LRRC7: variants seen among roughly 807,000 people sequenced by gnomAD.
The protein encoded by LRRC7 is leucine rich repeat containing 7.
In LRRC7, 23 loss-of-function variants were observed where a neutral mutation model predicts 175.7. The observed-to-expected ratio is 0.13, with a 90% CI of 0.09 to 0.19. LRRC7 has a LOEUF of 0.19. Ranked by LOEUF, LRRC7 falls within the 10% of genes least tolerant of loss-of-function variation. LRRC7 has a pLI of 1.00. For synonymous variants in LRRC7, 685 were observed against 680.9 expected, an observed-to-expected ratio of 1.01 and a Z score of -0.09; for missense variants, 1,354 against 1,904.7, an observed-to-expected ratio of 0.71 and a Z score of 5.38.
intron 22 of LRRC7, among the ~76,000 whole-genome samples, chr1:70,050,287 G>A (rs899597410): frequency 6.6e-6 from 1 of 152,010 alleles, no homozygotes; most frequent in African/African-American, 2.4e-5. Context: ...AATTACGAAT[G>A]TTAAATCCAC....
chr1:70,033,854 T>A (rs1659029939), intron 18 of LRRC7, among the ~76,000 whole-genome samples: 1 of 152,196 alleles, frequency 6.6e-6, no homozygotes, highest in Admixed American at 6.5e-5. Context: ...TCTATTCTAT[T>A]TTTGTTTTTC....
intron 7 of LRRC7, among the ~76,000 whole-genome samples, chr1:69,858,338 A>T (rs995442101): frequency 6.6e-6 from 1 of 152,052 alleles, no homozygotes; most frequent in Non-Finnish European, 1.5e-5. Context: ...TACAGAATGG[A>T]AGAAAATTTT....
At chr1:70,032,486 A>C (rs746668490) in intron 18 of LRRC7, among the ~76,000 whole-genome samples, 1 of 152,150 alleles carries the variant, frequency 6.6e-6, no homozygotes, top group Non-Finnish European at 1.5e-5. Context: ...GCCTACAGTA[A>C]ATAATTCCCT....
intron 4 of LRRC7, among the ~76,000 whole-genome samples, chr1:69,794,318 A>G (rs1475360851): frequency 6.6e-6 from 1 of 152,104 alleles, no homozygotes; most frequent in Admixed American, 6.6e-5. Flanking sequence ...TCTGAAAGAG[A>G]CAATTAGAAC....
chr1:69,712,848 A>G (rs1284752017), intron 2 of LRRC7, among the ~76,000 whole-genome samples: 1 of 152,100 alleles, frequency 6.6e-6, no homozygotes, highest in Non-Finnish European at 1.5e-5. Flanking sequence ...TGCATTAGCC[A>G]TGGAAAGGCC....
chr1:69,617,782 T>A (rs1649908302), intron 1 of LRRC7, among the ~76,000 whole-genome samples: 1 of 152,016 alleles, frequency 6.6e-6, no homozygotes, highest in Non-Finnish European at 1.5e-5. Flanking sequence ...AGGAAGTTAA[T>A]CCAAGATTGC....
At chr1:69,677,821 C>G (rs965068114) in intron 1 of LRRC7, among the ~76,000 whole-genome samples, 1 of 152,152 alleles carries the variant, frequency 6.6e-6, no homozygotes, top group Middle Eastern at 3.4e-3. Context: ...GACTATTGCT[C>G]TTAGTTATGG....
At chr1:69,683,921 T>C (rs2100625922) in intron 2 of LRRC7, among the ~76,000 whole-genome samples, 1 of 152,092 alleles carries the variant, frequency 6.6e-6, no homozygotes, top group East Asian at 1.9e-4. Flanking sequence ...GGAAAGATGA[T>C]GAAATAATAA....
At chr1:69,569,364 A>G (rs1410360975) in intron 1 of LRRC7, among the ~76,000 whole-genome samples, 1 of 152,038 alleles carries the variant, frequency 6.6e-6, no homozygotes, top group East Asian at 1.9e-4. Flanking sequence ...GTGTGGCACG[A>G]GAAGCTGGTG....
Position 70,020,902 on chromosome 1 carries a change from G to A in LRRC7, c.1421-103G>A, listed in dbSNP as rs191234249. 7.0e-5 allele frequency: 53 copies of A among 756,344 alleles called. No individual in the cohort carries two copies. In the South Asian group the frequency reaches 1.2e-3, roughly 17 times the overall value. 46.9% of individuals were successfully genotyped at this position (756,344 alleles called of 1,614,324 possible). A position where few individuals can be genotyped will look rare whatever the true frequency, so the allele number is the denominator to read the frequency against. On this transcript the variant is annotated intron_variant, in intron 15 of 26. Coordinates refer to ENST00000651989, the MANE Select transcript of LRRC7 (RefSeq NM_001370785.2). Reference sequence around the variant, plus strand: ...TTTTCTTTCTTTCTTCTTTATTTCCGTATTTGTTTGTAGTATCTATCACCA... The same window carrying A: ...TTTTCTTTCTTTCTTCTTTATTTCCATATTTGTTTGTAGTATCTATCACCA...
chr1:69,845,306 G>T (rs115599729), intron 7 of LRRC7, among the ~76,000 whole-genome samples: 1 of 151,962 alleles, frequency 6.6e-6, no homozygotes, highest in Non-Finnish European at 1.5e-5. Context: ...TAGAAGTAAA[G>T]GTTCTATCCG....
At position 70,126,948 on chromosome 1, in the gene LRRC7, T is replaced by C. The variant is rs1455788072; in HGVS notation, c.*5061T>C. On this transcript the variant is annotated 3_prime_UTR_variant, in exon 27 of 27. Coordinates refer to ENST00000651989, the MANE Select transcript of LRRC7 (RefSeq NM_001370785.2). ...TTTTCCAAAGGCAGTGGATGTCTGC[T>C]TCTATCCTGCTGAAACACAGATAAG... Among the ~76,000 whole-genome samples the C allele has an allele frequency of 6.6e-6, 1 of 152,206 alleles. No homozygotes were observed. The highest frequency in any genetic ancestry group is 1.5e-5 in the Non-Finnish European group (1 of 68,032).
rs553197700 is a variant in LRRC7 at position 69,740,086 on chromosome 1, T to C, written c.101-20105T>C. Among the ~76,000 whole-genome samples, 294 of 152,164 alleles carry C rather than the reference T, an allele frequency of 1.9e-3. 1 individual carries two copies. Among genetic ancestry groups the C allele is most frequent in the Middle Eastern group, 3.4e-3 (1 of 294 alleles). On this transcript the variant is annotated intron_variant, in intron 2 of 26. Transcript: ENST00000651989. The stretch of plus-strand genomic sequence containing the variant: ...CTATATGATTGGTCAGTTTTCTAAA[T>C]AGAAGGAAAGAAGCACAATGATTTA...
At chr1:69,661,915 T>C (rs1342864238) in intron 1 of LRRC7, among the ~76,000 whole-genome samples, 1 of 152,152 alleles carries the variant, frequency 6.6e-6, no homozygotes, top group Admixed American at 6.5e-5. Flanking sequence ...TCCACACACA[T>C]TTTTTATTCT....
In LRRC7 at chr1:69,830,989, G is replaced by T. The variant is rs373633391; in HGVS notation, c.501-3791G>T. Among the ~76,000 whole-genome samples, 53 of 151,656 alleles carry T rather than the reference G, an allele frequency of 3.5e-4. 1 individual carries two copies. In the South Asian group the frequency reaches 0.011, roughly 32 times the overall value. On this transcript the variant is annotated intron_variant, in intron 5 of 26. Transcript: ENST00000651989. ...TATGTAATAAGCCAGATTCTTCTAG[G>T]GCATAAGCATTACCAAAGAAGAAGC...
In LRRC7 at chr1:70,131,379, C is replaced by T. The variant is rs1666656688; in HGVS notation, c.*9492C>T. On this transcript the variant is annotated 3_prime_UTR_variant, in exon 27 of 27. Coordinates refer to ENST00000651989, the MANE Select transcript of LRRC7 (RefSeq NM_001370785.2). ...CCTAACCACAATCCCTTTATTACCTCATGGGACCTTAATTTCCTTTCAAGT... is the reference window on the plus strand; with the variant it reads ...CCTAACCACAATCCCTTTATTACCTTATGGGACCTTAATTTCCTTTCAAGT... Among the ~76,000 whole-genome samples the T allele has an allele frequency of 6.6e-6, 1 of 152,198 alleles. No homozygotes were observed. The highest frequency in any genetic ancestry group is 1.5e-5 in the Non-Finnish European group (1 of 68,026).
chr1:70,023,409 A>G (rs1055778568), intron 17 of LRRC7, 35 bp downstream of exon 17: 1 of 1,509,972 alleles, frequency 6.6e-7, no homozygotes, highest in Non-Finnish European at 8.9e-7. Flanking sequence ...AGAATCTCCC[A>G]TGTAGAGGCA....
At chr1:69,727,994 T>A (rs941556595) in intron 2 of LRRC7, among the ~76,000 whole-genome samples, 2 of 152,202 alleles carry the variant, frequency 1.3e-5, no homozygotes, top group East Asian at 3.9e-4. Flanking sequence ...TCACCCTGTG[T>A]CTTTCCATTC....
intron 11 of LRRC7, among the ~76,000 whole-genome samples, chr1:70,007,981 A>G (rs1656137897): frequency 6.6e-6 from 1 of 152,158 alleles, no homozygotes; most frequent in African/African-American, 2.4e-5. Flanking sequence ...ATGTGCTTGT[A>G]TTAGTCAGGG....
Sources: gnomAD v4.1 joint callset for allele counts (sites outside exome capture counted in the v4.1 genomes callset) on GRCh38, gnomAD v4.1.1 for gene constraint, MANE v1.5 for transcripts, NCBI Gene and HGNC (gene_info 2026-07-23, HGNC 2026-07-21) for gene names.